The following DOCK1 variants were observed in gnomAD, a reference collection of about 807,000 sequenced individuals.
The protein encoded by DOCK1 is dedicator of cytokinesis protein 1.
Under a neutral mutation model 262.7 loss-of-function variants are expected in DOCK1, and 138 were observed. The ratio of observed to expected loss-of-function variants is 0.53; its 90% confidence interval spans 0.46 to 0.61. The LOEUF (loss-of-function observed/expected upper bound fraction) is 0.61, where lower values mean the gene tolerates loss of function less well. Ranked by LOEUF, DOCK1 falls within the 20% of genes least tolerant of loss-of-function variation. The pLI is 0.00. For synonymous variants in DOCK1, 866 were observed against 867.4 expected (o/e 1.00, Z 0.03); for missense variants, 1,908 against 2,370.7 (o/e 0.80, Z 4.05).
chr10:127,212,599 T>G (rs913836433), intron 27 of DOCK1, among the ~76,000 whole-genome samples: 1 of 152,064 alleles, frequency 6.6e-6, no homozygotes, highest in Non-Finnish European at 1.5e-5. Flanking sequence ...GTTAAGCCTC[T>G]CCTTGTAGTG....
At chr10:127,106,824 T>C (rs2048555459) in intron 24 of DOCK1, among the ~76,000 whole-genome samples, 1 of 152,180 alleles carries the variant, frequency 6.6e-6, no homozygotes, top group Non-Finnish European at 1.5e-5. Flanking sequence ...AGGAGTGAGA[T>C]TGGACACCAA....
chr10:127,200,995 C>T (rs2057427564), intron 27 of DOCK1, among the ~76,000 whole-genome samples: 1 of 152,210 alleles, frequency 6.6e-6, no homozygotes. Context: ...GGGCAGGTTA[C>T]ACCCGTCAGT....
Position 127,008,195 on chromosome 10 carries a change from C to G in DOCK1, c.986-537C>G, listed in dbSNP as rs577344325. 2.6e-5 allele frequency among the ~76,000 whole-genome samples: 4 copies of G among 152,102 alleles called. No homozygotes were observed. The South Asian group carries it at 8.3e-4, about 32-fold the overall frequency. On this transcript the variant is annotated intron_variant, in intron 10 of 51. Coordinates refer to ENST00000623213, the MANE Select transcript of DOCK1 (RefSeq NM_001290223.2). ...TCACTGCAACCTCCACCTCCTGGGC[C>G]CAAGCAAGTCTCCCATCTCAGCTTC... is the stretch of plus-strand genomic sequence containing the variant.
chr10:127,368,244 A>G (rs60557772), intron 33 of DOCK1, among the ~76,000 whole-genome samples: 3,076 of 151,654 alleles, frequency 0.02, 107 homozygotes, highest in African/African-American at 0.071. Flanking sequence ...CTCAACAAAA[A>G]CCCATTTCTT....
chr10:127,201,197 A>G (rs957553060), intron 27 of DOCK1, among the ~76,000 whole-genome samples: 4 of 152,202 alleles, frequency 2.6e-5, no homozygotes, highest in African/African-American at 9.6e-5. Flanking sequence ...CCCTGCAGGA[A>G]GGCTTTCTGC....
chr10:127,093,076 T>C (rs2047641032), intron 23 of DOCK1, among the ~76,000 whole-genome samples: 1 of 152,190 alleles, frequency 6.6e-6, no homozygotes, highest in Middle Eastern at 3.4e-3. Flanking sequence ...CTTCCTGGTC[T>C]CTTCCAGCGT....
At chr10:127,056,574 T>A (rs905933948) in intron 22 of DOCK1, among the ~76,000 whole-genome samples, 2 of 152,120 alleles carry the variant, frequency 1.3e-5, no homozygotes, top group African/African-American at 4.8e-5. Flanking sequence ...CTTCCTTCTC[T>A]CCTCGCTTCG....
chr10:127,410,974 C>T lies in DOCK1; in HGVS notation c.4428+50C>T, dbSNP rs1268546865. 4 of 1,565,484 alleles carry T rather than the reference C, an allele frequency of 2.6e-6. No homozygotes were observed. In the South Asian group the frequency reaches 3.5e-5, roughly 14 times the overall value. On this transcript the variant is annotated intron_variant, in intron 43 of 51. Transcript: ENST00000623213. ...CCAAACAACAAAAAATATCATTCCG[C>T]CACCAGTAGAACTGCCACTGGAGAA...
intron 25 of DOCK1, among the ~76,000 whole-genome samples, chr10:127,114,767 T>G (rs2049076027): frequency 6.6e-6 from 1 of 150,616 alleles, no homozygotes; most frequent in African/African-American, 2.4e-5. Context: ...TTCTTTTTTT[T>G]TTTTTTTTGA....
intron 21 of DOCK1, among the ~76,000 whole-genome samples, chr10:127,049,061 G>A (rs952636395): frequency 1.0e-4 from 12 of 118,522 alleles, no homozygotes; most frequent in South Asian, 2.6e-4. Context: ...GTATTTTCAC[G>A]TTGATTTTGT....
chr10:127,013,216 C>G lies in DOCK1; in HGVS notation c.1201+842C>G, dbSNP rs139058327. Among the ~76,000 whole-genome samples, 13 of 152,284 alleles carry G rather than the reference C, an allele frequency of 8.5e-5. No homozygotes were observed. In the East Asian group the frequency reaches 1.4e-3, roughly 16 times the overall value. On this transcript the variant is annotated intron_variant, in intron 12 of 51. Coordinates refer to ENST00000623213, the MANE Select transcript of DOCK1 (RefSeq NM_001290223.2). ...GCTTTCTTCTGGTGTGAACTACCCC[C>G]CTTTCTGGCAAACAGTAGCAGGACA...
Position 126,990,481 on chromosome 10 carries a change from T to A in DOCK1, c.351T>A (p.Ser117Arg). 6.2e-7 allele frequency: 1 copy of A among 1,611,962 alleles called. No individual in the cohort carries two copies. Among genetic ancestry groups the A allele is most frequent in the Non-Finnish European group, 8.5e-7 (1 of 1,179,040 alleles). Reference sequence around the variant, plus strand: ...AAGATAACAGGGAGATGTTTCGAAGTGTGCGGCACATGATCTATGACCTTA... The same window carrying A: ...AAGATAACAGGGAGATGTTTCGAAGAGTGCGGCACATGATCTATGACCTTA... ...YVQDNREMFR[S>R]VRHMIYDLIE... The change falls in exon 6 of 52, where the codon AGT becomes AGA. Residue 117 changes from serine (S) to arginine (R), a missense_variant. Ser to Arg is a moderately radical substitution (Grantham distance 110). Around this residue, in one of 9 missense-constraint regions of DOCK1, gnomAD observed 227 missense variants for 254.1 expected, o/e 0.89. Coordinates refer to ENST00000623213, the MANE Select transcript of DOCK1 (RefSeq NM_001290223.2).
chr10:127,406,634 C>G (rs891034910), intron 40 of DOCK1, among the ~76,000 whole-genome samples: 2 of 152,140 alleles, frequency 1.3e-5, no homozygotes, highest in African/African-American at 4.8e-5. Flanking sequence ...CTTTGTTTTT[C>G]TCTAAAAATT....
rs2041492856 is a variant in DOCK1, at chr10:127,012,033, TCTCGTGGTTCAGCATTTTC to T, written c.1059-196_1059-178del. 6.6e-6 allele frequency among the ~76,000 whole-genome samples: 1 copy of T among 152,164 alleles called. No individual in the cohort carries two copies. On this transcript the variant is annotated intron_variant, in intron 11 of 51. Transcript: ENST00000623213. The surrounding 1 kb of genome is among the most constrained non-coding windows in gnomAD (Gnocchi z 4.0). ...GGTTGCCCTCATTTGCTCTGTTCCCTCTCGTGGTTCAGCATTTTCCTGATCAATGCTTTTCCCTGTTTCT... is the reference window on the plus strand; with the variant it reads ...GGTTGCCCTCATTTGCTCTGTTCCCTCTGATCAATGCTTTTCCCTGTTTCT...
chr10:127,345,759 C>T (rs1211985382), intron 31 of DOCK1, among the ~76,000 whole-genome samples: 2 of 152,166 alleles, frequency 1.3e-5, no homozygotes, highest in Non-Finnish European at 2.9e-5. Context: ...ACAGACTTCT[C>T]CAGGCTGCAT....
In DOCK1 at chr10:127,130,065, C is replaced by CTTTTTTTTTTT. The variant is rs74721427; in HGVS notation, c.2847+2322_2847+2332dup. ...CAATCCTGCCTCCAGTTAGGGTCTT[C>CTTTTTTTTTTT]TTTTTTTTTTTTTTTTTTTTTTTTT... On this transcript the variant is annotated intron_variant, in intron 27 of 51. Transcript: ENST00000623213. Among the ~76,000 whole-genome samples, 88 of 117,540 alleles carry CTTTTTTTTTTT rather than the reference C, an allele frequency of 7.5e-4. 5 individuals carry two copies. Among genetic ancestry groups the CTTTTTTTTTTT allele is most frequent in the Middle Eastern group, 4.4e-3 (1 of 226 alleles). 77.1% of individuals were successfully genotyped at this position (117,540 alleles called of 152,430 possible).
At chr10:127,164,044 T>G (rs2053837534) in intron 27 of DOCK1, among the ~76,000 whole-genome samples, 1 of 151,542 alleles carries the variant, frequency 6.6e-6, no homozygotes, top group Admixed American at 6.6e-5. Flanking sequence ...TGGCAAAGCA[T>G]CACAGTTAGC....
At chr10:127,227,413 C>A (rs545936394) in intron 27 of DOCK1, among the ~76,000 whole-genome samples, 1 of 152,198 alleles carries the variant, frequency 6.6e-6, no homozygotes, top group Non-Finnish European at 1.5e-5. Context: ...TGAGCTGCAT[C>A]CCAGTGTGTC....
chr10:127,102,770 G>A (rs556600876), intron 23 of DOCK1, among the ~76,000 whole-genome samples: 1 of 152,298 alleles, frequency 6.6e-6, no homozygotes, highest in African/African-American at 2.4e-5. Flanking sequence ...AACCCGGGGG[G>A]TGGAAGTTGT....
Sources: allele counts gnomAD v4.1 joint callset (sites outside exome capture counted in the v4.1 genomes callset), GRCh38; gene constraint gnomAD v4.1.1; regional missense constraint gnomAD v4.1.1; non-coding constraint Gnocchi (gnomAD v3.1); transcripts MANE v1.5; gene names NCBI Gene and HGNC (gene_info 2026-07-23, HGNC 2026-07-21).